Variants in PDE4D observed in about 807,000 individuals in gnomAD.
The protein encoded by PDE4D is 3',5'-cyclic-AMP phosphodiesterase 4D.
In PDE4D, 24 loss-of-function variants were observed where a neutral mutation model predicts 87.4. The ratio of observed to expected loss-of-function variants is 0.27; its 90% CI spans 0.20 to 0.39. PDE4D has a LOEUF of 0.39. Ranked by LOEUF, PDE4D falls within the 10% of genes least tolerant of loss-of-function variation. The pLI is 1.00. For missense variants in PDE4D, 714 were observed against 1,041.0 expected (o/e 0.69, Z 4.32); for synonymous variants, 384 against 383.2 (o/e 1.00, Z -0.02).
chr5:59,089,370 T>G lies in PDE4D; in HGVS notation c.809-50399A>C, dbSNP rs80060811. 2.3e-4 allele frequency among the ~76,000 whole-genome samples: 35 copies of G among 152,314 alleles called. 2 individuals carry two copies. The East Asian group carries it at 6.7e-3, about 29-fold the overall frequency. ...TGTTAGTTTTATAATATTCAGGAATTTTTGAAGGATTATTTGATTTTTATT... is the reference window on the plus strand; with the variant it reads ...TGTTAGTTTTATAATATTCAGGAATGTTTGAAGGATTATTTGATTTTTATT... On this transcript the variant is annotated intron_variant, in intron 5 of 14. Coordinates refer to ENST00000340635, the MANE Select transcript of PDE4D (RefSeq NM_001104631.2).
intron 1 of PDE4D, among the ~76,000 whole-genome samples, chr5:59,344,372 T>C (rs1452889534): frequency 1.3e-5 from 2 of 152,192 alleles, no homozygotes; most frequent in African/African-American, 4.8e-5. Context: ...CTTCATGATA[T>C]GAATCGAGTG....
intron 1 of PDE4D, among the ~76,000 whole-genome samples, chr5:59,654,816 T>C (rs952225782): frequency 3.3e-5 from 5 of 152,144 alleles, no homozygotes; most frequent in Non-Finnish European, 7.4e-5. Flanking sequence ...AATGGAATCA[T>C]GAAATTATGT....
At chr5:59,831,921 A>T (rs1289635206) in intron 1 of PDE4D, among the ~76,000 whole-genome samples, 1 of 152,080 alleles carries the variant, frequency 6.6e-6, no homozygotes, top group African/African-American at 2.4e-5. Context: ...TCAGCACCAG[A>T]AAGGGCTCTA....
Position 60,179,003 on chromosome 5 carries a change from A to G in PDE4D, c.42+6554T>C, listed in dbSNP as rs185258343. ...TAAATTCAGGATGTTGAGGGCTGCAAGTACAGTCAAATCCTTCTCACGGAA... is the reference window on the plus strand; with the variant it reads ...TAAATTCAGGATGTTGAGGGCTGCAGGTACAGTCAAATCCTTCTCACGGAA... On this transcript the variant is annotated intron_variant, in intron 2 of 16. Transcript: ENST00000502484. Among the ~76,000 whole-genome samples, 57 of 152,288 alleles carry G rather than the reference A, an allele frequency of 3.7e-4. 1 individual carries two copies. Among genetic ancestry groups the G allele is most frequent in the Middle Eastern group, 3.4e-3 (1 of 294 alleles).
intron 5 of PDE4D, among the ~76,000 whole-genome samples, chr5:59,081,275 G>T (rs1006696516): frequency 6.6e-6 from 1 of 152,034 alleles, no homozygotes; most frequent in Admixed American, 6.6e-5. Context: ...ACTATTAAGA[G>T]CAGTAACTAG....
intron 1 of PDE4D, among the ~76,000 whole-genome samples, chr5:60,258,900 G>T (rs1419437908): frequency 6.6e-6 from 1 of 151,876 alleles, no homozygotes; most frequent in Non-Finnish European, 1.5e-5. Flanking sequence ...TATACAATAT[G>T]ATTACAACTA....
intron 1 of PDE4D, among the ~76,000 whole-genome samples, chr5:59,775,863 C>A (rs967463055): frequency 5.9e-5 from 9 of 152,112 alleles, no homozygotes; most frequent in Non-Finnish European, 2.9e-5. Context: ...CCCTGACCGG[C>A]CCCCAAGAAA....
chr5:59,623,645 T>C (rs1830578169), intron 1 of PDE4D, among the ~76,000 whole-genome samples: 2 of 152,174 alleles, frequency 1.3e-5, no homozygotes, highest in African/African-American at 4.8e-5. Flanking sequence ...AGAGTTCCAA[T>C]TCCTGACCTT....
chr5:59,067,313 G>C (rs1238247635), intron 5 of PDE4D, among the ~76,000 whole-genome samples: 1 of 152,022 alleles, frequency 6.6e-6, no homozygotes, highest in African/African-American at 2.4e-5. Flanking sequence ...CACTGTGCCT[G>C]GCTATGATAT....
intron 2 of PDE4D, among the ~76,000 whole-genome samples, chr5:59,996,341 C>T (rs1048606531): frequency 6.6e-6 from 1 of 152,066 alleles, no homozygotes; most frequent in East Asian, 1.9e-4. Context: ...TAGTTTGATG[C>T]AACATTAAGT....
At chr5:59,005,704 T>C (rs1261401107) in intron 6 of PDE4D, among the ~76,000 whole-genome samples, 1 of 152,236 alleles carries the variant, frequency 6.6e-6, no homozygotes, top group East Asian at 1.9e-4. Flanking sequence ...ATTTCTAATC[T>C]TGGCAACATT....
intron 1 of PDE4D, among the ~76,000 whole-genome samples, chr5:59,474,642 A>G (rs931809463): frequency 1.3e-5 from 2 of 152,108 alleles, no homozygotes; most frequent in Non-Finnish European, 2.9e-5. Context: ...GTTTACTACA[A>G]TAAGTAGAGC....
chr5:59,412,890 C>T (rs1291076027), intron 1 of PDE4D, among the ~76,000 whole-genome samples: 1 of 152,164 alleles, frequency 6.6e-6, no homozygotes, highest in East Asian at 1.9e-4. Context: ...TATCCGAAGT[C>T]TTCTGAACTC....
chr5:59,180,377 A>T (rs775973713), intron 5 of PDE4D: 1 of 702,592 alleles, frequency 1.4e-6, no homozygotes, highest in South Asian at 1.5e-5. Flanking sequence ...ATGGTTAAAA[A>T]TAATGTACAT....
intron 1 of PDE4D, among the ~76,000 whole-genome samples, chr5:59,734,680 T>C (rs1432459005): frequency 1.3e-5 from 2 of 148,646 alleles, no homozygotes; most frequent in East Asian, 3.9e-4. Context: ...TTTCATTGGA[T>C]ATGTCATGGA....
At chr5:59,054,590 T>G (rs1762065081) in intron 5 of PDE4D, among the ~76,000 whole-genome samples, 1 of 151,594 alleles carries the variant, frequency 6.6e-6, no homozygotes, top group Non-Finnish European at 1.5e-5. Context: ...ATTAAACCAA[T>G]AAAAAGAATT....
chr5:59,834,066 G>T (rs1053565564), intron 1 of PDE4D, among the ~76,000 whole-genome samples: 4 of 151,964 alleles, frequency 2.6e-5, no homozygotes, highest in Non-Finnish European at 5.9e-5. Flanking sequence ...CAGAATTAAA[G>T]GCTCATAATA....
intron 5 of PDE4D, among the ~76,000 whole-genome samples, chr5:59,117,241 C>T (rs1376313229): frequency 6.6e-6 from 1 of 152,192 alleles, no homozygotes; most frequent in East Asian, 1.9e-4. Flanking sequence ...TGGGGTCTCA[C>T]TGCTATCAAT....
At chr5:60,053,944 C>T (rs1206852868) in intron 2 of PDE4D, among the ~76,000 whole-genome samples, 1 of 152,098 alleles carries the variant, frequency 6.6e-6, no homozygotes, top group Non-Finnish European at 1.5e-5. Context: ...AAGCTCATTA[C>T]CACTGGTCAT....
Sources: gnomAD v4.1 joint callset for allele counts (sites outside exome capture counted in the v4.1 genomes callset) on GRCh38, gnomAD v4.1.1 for gene constraint, MANE v1.5 for transcripts, NCBI Gene and HGNC (gene_info 2026-07-23, HGNC 2026-07-21) for gene names.